CDH18: variants seen among roughly 807,000 people sequenced by gnomAD.
CDH18 encodes cadherin-18.
In CDH18, 31 loss-of-function variants were observed where a neutral mutation model predicts 67.9. The ratio of observed to expected loss-of-function variants is 0.46; its 90% confidence interval spans 0.34 to 0.62. The LOEUF (loss-of-function observed/expected upper bound fraction) is 0.62, where lower values mean the gene tolerates loss of function less well. Ranked by LOEUF, CDH18 falls within the 20% of genes least tolerant of loss-of-function variation. The pLI is 0.01. For synonymous variants in CDH18, 362 were observed against 347.2 expected (o/e 1.04, Z -0.48); for missense variants, 890 against 975.5 (o/e 0.91, Z 1.17).
chr5:20,266,300 A>T (rs552012031), intron 1 of CDH18, among the ~76,000 whole-genome samples: 1 of 152,196 alleles, frequency 6.6e-6, no homozygotes, highest in Non-Finnish European at 1.5e-5. Context: ...ATAACCTGAA[A>T]GCTTTGCAGT....
At chr5:20,343,927 A>G (rs1338179982) in intron 1 of CDH18, among the ~76,000 whole-genome samples, 1 of 152,180 alleles carries the variant, frequency 6.6e-6, no homozygotes, top group Admixed American at 6.5e-5. Context: ...ACCAAAAGAA[A>G]CAGATTAGCA....
At chr5:19,869,856 A>C (rs2150014835) in intron 2 of CDH18, among the ~76,000 whole-genome samples, 1 of 152,272 alleles carries the variant, frequency 6.6e-6, no homozygotes, top group Non-Finnish European at 1.5e-5. Flanking sequence ...ATCTCTGCCT[A>C]CTTTTCATAC....
At chr5:20,206,948 C>G (rs1015917567) in intron 2 of CDH18, among the ~76,000 whole-genome samples, 2 of 151,876 alleles carry the variant, frequency 1.3e-5, no homozygotes, top group African/African-American at 4.8e-5. Context: ...CAAGGATGCC[C>G]ATTATCTCTA....
chr5:20,012,819 C>T (rs1482633838), intron 2 of CDH18, among the ~76,000 whole-genome samples: 1 of 151,960 alleles, frequency 6.6e-6, no homozygotes, highest in African/African-American at 2.4e-5. Context: ...AACCAAATTC[C>T]ACACATTCTC....
chr5:20,099,326 T>C (rs1379012521), intron 2 of CDH18, among the ~76,000 whole-genome samples: 3 of 152,160 alleles, frequency 2.0e-5, no homozygotes, highest in Non-Finnish European at 4.4e-5. Context: ...CATTAGTCAC[T>C]TCAATCCCTC....
chr5:19,613,394 C>T (rs951592509), intron 5 of CDH18, among the ~76,000 whole-genome samples: 1 of 152,034 alleles, frequency 6.6e-6, no homozygotes, highest in Middle Eastern at 3.2e-3. Flanking sequence ...AGATTATAGG[C>T]AGGAGGCATA....
At chr5:20,034,684 G>A (rs896258975) in intron 2 of CDH18, among the ~76,000 whole-genome samples, 1 of 151,926 alleles carries the variant, frequency 6.6e-6, no homozygotes, top group African/African-American at 2.4e-5. Context: ...TTGCTCTTCT[G>A]GTTCTTAAGA....
chr5:20,539,565 T>C (rs1756931829), intron 1 of CDH18, among the ~76,000 whole-genome samples: 1 of 152,102 alleles, frequency 6.6e-6, no homozygotes, highest in African/African-American at 2.4e-5. Flanking sequence ...TGGAAGTTGA[T>C]GGTTAGGGCT....
At chr5:19,845,721 T>C (rs1782861026) in intron 2 of CDH18, among the ~76,000 whole-genome samples, 1 of 152,036 alleles carries the variant, frequency 6.6e-6, no homozygotes, top group East Asian at 1.9e-4. Context: ...TTGTTTTTTT[T>C]CTGCTGAGTT....
chr5:20,225,643 T>C lies in CDH18; in HGVS notation c.-518+29801A>G, dbSNP rs368718825. On this transcript the variant is annotated intron_variant, in intron 2 of 14. Coordinates refer to the CDH18 transcript ENST00000507958. ...GAAGAAACTTGGAGTTGGCTTCTCTTCTGGAGAATTCTGAAGTTAGTAGGG... is the reference window on the plus strand; with the variant it reads ...GAAGAAACTTGGAGTTGGCTTCTCTCCTGGAGAATTCTGAAGTTAGTAGGG... Among the ~76,000 whole-genome samples the C allele has an allele frequency of 1.1e-4, 16 of 152,222 alleles. No homozygotes were observed. In the South Asian group the frequency reaches 3.3e-3, roughly 32 times the overall value.
intron 2 of CDH18, among the ~76,000 whole-genome samples, chr5:20,069,573 C>T (rs1743286586): frequency 6.6e-6 from 1 of 152,008 alleles, no homozygotes; most frequent in African/African-American, 2.4e-5. Context: ...CCACCACGCC[C>T]AGCTACTTTT....
chr5:20,393,936 C>T (rs1010552215), intron 1 of CDH18, among the ~76,000 whole-genome samples: 1 of 152,024 alleles, frequency 6.6e-6, no homozygotes, highest in Non-Finnish European at 1.5e-5. Flanking sequence ...ACATCTCAGT[C>T]AGGCTCATGG....
chr5:20,351,235 C>T (rs1332406853), intron 1 of CDH18, among the ~76,000 whole-genome samples: 1 of 135,766 alleles, frequency 7.4e-6, no homozygotes, highest in Non-Finnish European at 1.5e-5. Context: ...ACCAGAATGT[C>T]AACTCCATGG....
intron 8 of CDH18, among the ~76,000 whole-genome samples, chr5:19,570,112 AT>A (rs544106197): frequency 4.6e-5 from 7 of 151,292 alleles, no homozygotes; most frequent in African/African-American, 7.3e-5. Context: ...ATGGTGCTAC[AT>A]TTTTTTTTAA....
At chr5:19,850,319 T>C (rs558266832) in intron 2 of CDH18, among the ~76,000 whole-genome samples, 2 of 152,070 alleles carry the variant, frequency 1.3e-5, no homozygotes, top group East Asian at 1.9e-4. Context: ...CGAAATTTAA[T>C]ACCTTTTATT....
At chr5:19,962,752 G>C (rs927190947) in intron 2 of CDH18, among the ~76,000 whole-genome samples, 2 of 151,986 alleles carry the variant, frequency 1.3e-5, no homozygotes, top group Non-Finnish European at 2.9e-5. Context: ...CTGCAGCCTG[G>C]GCAAGACTCG....
intron 2 of CDH18, among the ~76,000 whole-genome samples, chr5:20,084,164 T>C (rs893955731): frequency 3.3e-5 from 5 of 152,162 alleles, no homozygotes; most frequent in East Asian, 1.9e-4. Flanking sequence ...CTAGATACAG[T>C]TGGGGTCCAG....
At chr5:20,416,641 C>A (rs564487881) in intron 1 of CDH18, among the ~76,000 whole-genome samples, 2 of 151,782 alleles carry the variant, frequency 1.3e-5, no homozygotes, top group South Asian at 2.1e-4. Context: ...TTAAATTATG[C>A]GCAAAAGGCT....
At chr5:20,184,592 A>C (rs543428464) in intron 2 of CDH18, among the ~76,000 whole-genome samples, 1 of 152,242 alleles carries the variant, frequency 6.6e-6, no homozygotes, top group South Asian at 2.1e-4. Flanking sequence ...CAAGCAACTC[A>C]CACCACAGGG....
Sources: gnomAD v4.1 joint callset for allele counts (sites outside exome capture counted in the v4.1 genomes callset) on GRCh38, gnomAD v4.1.1 for gene constraint, MANE v1.5 for transcripts, NCBI Gene and HGNC (gene_info 2026-07-23, HGNC 2026-07-21) for gene names.